The following UNC13C variants were observed in gnomAD, a reference collection of about 807,000 sequenced individuals.
The protein encoded by UNC13C is protein unc-13 homolog C.
In UNC13C, 174 loss-of-function variants were observed where a neutral mutation model predicts 245.4. That is an observed-to-expected ratio of 0.71 (90% confidence interval 0.63 to 0.80). The LOEUF (loss-of-function observed/expected upper bound fraction) is 0.80, where lower values mean the gene tolerates loss of function less well. Among genes scored for constraint, UNC13C ranks in the 30% least tolerant of loss-of-function variants. The pLI is 0.00. For missense variants in UNC13C, 2,829 were observed against 2,602.9 expected (o/e 1.09, Z -1.89); for synonymous variants, 992 against 895.1 (o/e 1.11, Z -1.93).
rs556451141 is a variant in UNC13C at position 54,563,965 on chromosome 15, T to C, written c.5959-3835T>C. Among the ~76,000 whole-genome samples the C allele has an allele frequency of 2.4e-4, 37 of 152,158 alleles. 1 individual carries two copies. The highest frequency in any genetic ancestry group is 8.2e-4 in the African/African-American group (34 of 41,550). On this transcript the variant is annotated intron_variant, in intron 29 of 32. Coordinates refer to ENST00000260323, the MANE Select transcript of UNC13C (RefSeq NM_001080534.3). ...TAAGGTAACCAGACTGGTGCTCTTA[T>C]ATGCTGTCATTCCAGGTTTTGAACA... is the stretch of plus-strand genomic sequence containing the variant.
intron 14 of UNC13C, among the ~76,000 whole-genome samples, chr15:54,329,461 C>T (rs1372346213): frequency 6.6e-6 from 1 of 151,736 alleles, no homozygotes; most frequent in African/African-American, 2.4e-5. Flanking sequence ...ACATATGTGG[C>T]CCTTATTTAA....
intron 1 of UNC13C, among the ~76,000 whole-genome samples, chr15:53,995,239 G>GA (rs1447796085): frequency 2.0e-5 from 3 of 152,042 alleles, no homozygotes; most frequent in South Asian, 4.2e-4. Context: ...GAAGAAAGGG[G>GA]AAAAAAAGTC....
At chr15:54,573,860 C>A (rs1044922421) in intron 30 of UNC13C, among the ~76,000 whole-genome samples, 1 of 152,120 alleles carries the variant, frequency 6.6e-6, no homozygotes, top group African/African-American at 2.4e-5. Flanking sequence ...AGTGCTCAGT[C>A]TAGGACACCC....
intron 16 of UNC13C, among the ~76,000 whole-genome samples, chr15:54,335,236 C>G (rs1474148396): frequency 5.9e-5 from 9 of 152,084 alleles, no homozygotes; most frequent in African/African-American, 2.2e-4. Flanking sequence ...TATGTATGTG[C>G]TATTGATTTT....
At chr15:54,613,923 A>G (rs1900263691) in intron 30 of UNC13C, among the ~76,000 whole-genome samples, 1 of 152,000 alleles carries the variant, frequency 6.6e-6, no homozygotes, top group South Asian at 2.1e-4. Context: ...AGAAACTATT[A>G]TACATTGCAA....
intron 2 of UNC13C, among the ~76,000 whole-genome samples, chr15:54,112,399 T>C (rs1436515253): frequency 6.6e-6 from 1 of 152,162 alleles, no homozygotes; most frequent in South Asian, 2.1e-4. Flanking sequence ...CTGATTTACA[T>C]AGGGCCCAAA....
chr15:53,956,213 CT>C, the UNC13C span, among the ~76,000 whole-genome samples: 1 of 152,088 alleles, frequency 6.6e-6, no homozygotes, highest in East Asian at 1.9e-4. Flanking sequence ...GAAAAATTAA[CT>C]ATTGGGTACT....
chr15:54,525,285 A>G (rs904984779), intron 24 of UNC13C, among the ~76,000 whole-genome samples: 2 of 152,100 alleles, frequency 1.3e-5, no homozygotes, highest in African/African-American at 4.8e-5. Context: ...CATTGCTATA[A>G]CCAACAAAGG....
chr15:54,239,294 G>A (rs1333529247), intron 7 of UNC13C, among the ~76,000 whole-genome samples: 1 of 151,912 alleles, frequency 6.6e-6, no homozygotes, highest in Non-Finnish European at 1.5e-5. Flanking sequence ...TTTTCCATCA[G>A]CAAGCTCCCC....
intron 19 of UNC13C, among the ~76,000 whole-genome samples, chr15:54,465,653 A>G (rs890222234): frequency 1.3e-5 from 2 of 152,048 alleles, no homozygotes; most frequent in African/African-American, 4.8e-5. Flanking sequence ...ATGTGAATGC[A>G]CAGAGGCAGG....
chr15:54,237,638 C>T lies in UNC13C; in HGVS notation c.3176C>T (p.Ser1059Phe). The change falls in exon 7 of 33, where the codon TCT becomes TTT. Residue 1059 changes from serine (S) to phenylalanine (F), a missense_variant. By Grantham distance (155) the Ser-to-Phe change is radical (BLOSUM62 -2). Coordinates refer to ENST00000260323, the MANE Select transcript of UNC13C (RefSeq NM_001080534.3). Reference sequence around the variant, plus strand: ...TTTTAGACCCTGGCTGCCCGGAAATCTGGACTCTCCCTGGCTATGGTGATT... The same window carrying T: ...TTTTAGACCCTGGCTGCCCGGAAATTTGGACTCTCCCTGGCTATGGTGATT... Reference protein sequence around the residue: ...DVAMTLAARKSGLSLAMVIRT... With the variant: ...DVAMTLAARKFGLSLAMVIRT... The T allele has an allele frequency of 1.2e-6, 2 of 1,612,462 alleles. No individual in the cohort carries two copies. The highest frequency in any genetic ancestry group is 1.7e-6 in the Non-Finnish European group (2 of 1,179,346).
chr15:54,168,738 C>A (rs1185505793), intron 4 of UNC13C, among the ~76,000 whole-genome samples: 2 of 151,894 alleles, frequency 1.3e-5, no homozygotes, highest in African/African-American at 4.8e-5. Flanking sequence ...AAATAGAGTT[C>A]TAGGATTATA....
chr15:54,572,254 T>G (rs1897788401), intron 30 of UNC13C, among the ~76,000 whole-genome samples: 3 of 152,072 alleles, frequency 2.0e-5, no homozygotes, highest in Admixed American at 6.6e-5. Flanking sequence ...TCCCTATTAC[T>G]TGGGCTTTTT....
chr15:53,953,200 A>G, the UNC13C span, among the ~76,000 whole-genome samples: 3 of 152,354 alleles, frequency 2.0e-5, no homozygotes, highest in Non-Finnish European at 4.4e-5. Flanking sequence ...TTAAATGATC[A>G]GAGATCACAT....
intron 7 of UNC13C, among the ~76,000 whole-genome samples, chr15:54,247,512 T>A (rs148464243): frequency 6.6e-6 from 1 of 152,278 alleles, no homozygotes; most frequent in East Asian, 1.9e-4. Flanking sequence ...AAAAAGAGTG[T>A]TTTCGTATGG....
chr15:54,414,158 G>A (rs1474070942), intron 18 of UNC13C, among the ~76,000 whole-genome samples: 2 of 152,174 alleles, frequency 1.3e-5, no homozygotes, highest in Admixed American at 1.3e-4. Flanking sequence ...TCCACCAGGA[G>A]CCATTTTGCC....
At position 54,500,880 on chromosome 15, in the gene UNC13C, G is replaced by C. The variant is rs775417558; in HGVS notation, c.5203G>C (p.Asp1735His). 6.2e-7 allele frequency: 1 copy of C among 1,613,056 alleles called. No individual in the cohort carries two copies. Among genetic ancestry groups the C allele is most frequent in the Admixed American group, 1.7e-5 (1 of 59,868 alleles). Residue 1735 changes from aspartate (D) to histidine (H), a missense_variant, in exon 22 of 33, where the codon GAT (aspartate) becomes CAT (histidine). Coordinates refer to ENST00000260323, the MANE Select transcript of UNC13C (RefSeq NM_001080534.3). ...TGCTCTCTTTTCTTGCTCCGTGGTT[G>C]ATGTCTTTGCTCAGCTGAATCAGAG... is the stretch of plus-strand genomic sequence containing the variant. ...EHALFSCSVV[D>H]VFAQLNQSFE...
At chr15:54,359,662 T>C (rs994329355) in intron 17 of UNC13C, among the ~76,000 whole-genome samples, 7 of 151,900 alleles carry the variant, frequency 4.6e-5, no homozygotes, top group African/African-American at 1.4e-4. Context: ...GTATTTGTAT[T>C]GAATCATTTG....
the UNC13C span, among the ~76,000 whole-genome samples, chr15:53,938,914 C>A: frequency 6.6e-6 from 1 of 152,102 alleles, no homozygotes; most frequent in South Asian, 2.1e-4. Flanking sequence ...GACCTCAAAT[C>A]AGTAACCTAA....
Sources: allele counts gnomAD v4.1 joint callset (sites outside exome capture counted in the v4.1 genomes callset), GRCh38; gene constraint gnomAD v4.1.1; transcripts MANE v1.5; gene names NCBI Gene and HGNC (gene_info 2026-07-23, HGNC 2026-07-21).